Variants in PKP4 observed in about 807,000 individuals in gnomAD.
PKP4 encodes plakophilin 4.
In PKP4, 90 loss-of-function variants were observed where a neutral mutation model predicts 145.1. The observed-to-expected ratio is 0.62, with a 90% confidence interval of 0.52 to 0.74. The LOEUF (loss-of-function observed/expected upper bound fraction) is 0.74. PKP4 is among the 30% of genes least tolerant of loss of function. The pLI, the probability that PKP4 is intolerant of heterozygous loss-of-function variation, is 0.00. For missense variants in PKP4, 1,340 were observed against 1,482.7 expected (o/e 0.90, Z 1.58); for synonymous variants, 563 against 577.2 (o/e 0.98, Z 0.35).
chr2:158,663,507 T>C (rs2056801811), intron 15 of PKP4, 62 bp downstream of exon 15: 2 of 1,389,866 alleles, frequency 1.4e-6, no homozygotes, highest in South Asian at 1.3e-5. Flanking sequence ...TGAAATGTTA[T>C]ATATATATGT....
At chr2:158,672,725 C>T (rs1419894681) in intron 17 of PKP4, among the ~76,000 whole-genome samples, 2 of 152,332 alleles carry the variant, frequency 1.3e-5, no homozygotes, top group African/African-American at 2.4e-5. Flanking sequence ...CTTTACCTGG[C>T]TCTGCTCACC....
intron 11 of PKP4, among the ~76,000 whole-genome samples, chr2:158,643,863 T>C (rs2054569948): frequency 1.3e-5 from 2 of 152,098 alleles, no homozygotes; most frequent in African/African-American, 4.8e-5. Context: ...CCTCCCGGGT[T>C]CAAGCGATTC....
At chr2:158,482,840 A>G (rs1047931819) in intron 1 of PKP4, among the ~76,000 whole-genome samples, 1 of 151,510 alleles carries the variant, frequency 6.6e-6, no homozygotes, top group African/African-American at 2.4e-5. Context: ...AAAAAAAAAA[A>G]GAGGGGGGAA....
At chr2:158,513,889 G>T (rs1323899810) in intron 1 of PKP4, among the ~76,000 whole-genome samples, 1 of 152,142 alleles carries the variant, frequency 6.6e-6, no homozygotes, top group Non-Finnish European at 1.5e-5. Flanking sequence ...TCTGAACACA[G>T]CACGCTGTGG....
intron 2 of PKP4, among the ~76,000 whole-genome samples, chr2:158,566,560 A>G (rs1415822630): frequency 6.6e-6 from 1 of 152,072 alleles, no homozygotes; most frequent in Non-Finnish European, 1.5e-5. Context: ...AGTAATAGCT[A>G]ATCAAATATT....
At chr2:158,559,771 A>G (rs1343431700) in intron 2 of PKP4, among the ~76,000 whole-genome samples, 3 of 152,184 alleles carry the variant, frequency 2.0e-5, no homozygotes, top group Admixed American at 6.5e-5. Flanking sequence ...TTCTTAAAAG[A>G]GTAATATGAT....
intron 21 of PKP4, among the ~76,000 whole-genome samples, chr2:158,680,143 G>A (rs1251215387): frequency 6.6e-6 from 1 of 152,186 alleles, no homozygotes; most frequent in East Asian, 1.9e-4. Flanking sequence ...GTAAAGAGGG[G>A]AGGTTTCTGG....
intron 9 of PKP4, among the ~76,000 whole-genome samples, chr2:158,638,421 A>G (rs1001193322): frequency 2.0e-5 from 3 of 152,206 alleles, no homozygotes; most frequent in Admixed American, 2.0e-4. Flanking sequence ...TTTCAAAATC[A>G]CACAGAAATG....
chr2:158,514,777 C>G (rs896042114), intron 1 of PKP4, among the ~76,000 whole-genome samples: 2 of 152,106 alleles, frequency 1.3e-5, no homozygotes, highest in Non-Finnish European at 2.9e-5. Context: ...CCCATCTCTA[C>G]TATAAACACA....
At chr2:158,569,451 G>GTA (rs1270451901) in intron 2 of PKP4, among the ~76,000 whole-genome samples, 1 of 152,180 alleles carries the variant, frequency 6.6e-6, no homozygotes, top group Non-Finnish European at 1.5e-5. Flanking sequence ...TCCTAATAAT[G>GTA]TATATCCTTC....
chr2:158,584,565 T>A (rs1483406839), intron 3 of PKP4, among the ~76,000 whole-genome samples: 1 of 152,238 alleles, frequency 6.6e-6, no homozygotes, highest in Non-Finnish European at 1.5e-5. Flanking sequence ...CTCATGCCTT[T>A]AGTCCTAGCA....
chr2:158,629,922 C>T (rs748952232), intron 7 of PKP4, among the ~76,000 whole-genome samples: 11 of 152,058 alleles, frequency 7.2e-5, no homozygotes, highest in Non-Finnish European at 1.6e-4. Context: ...TTAGTAGAGT[C>T]GGGGTTTCAC....
chr2:158,655,045 C>T (rs769961018), intron 11 of PKP4, among the ~76,000 whole-genome samples: 4 of 151,802 alleles, frequency 2.6e-5, no homozygotes, highest in Non-Finnish European at 5.9e-5. Context: ...AATTTCAAAC[C>T]TATAAAAATA....
In PKP4 at chr2:158,577,916, AT is replaced by A. The variant is rs554475167; in HGVS notation, c.245+539del. 1.5e-3 allele frequency among the ~76,000 whole-genome samples: 225 copies of A among 152,252 alleles called. 1 individual carries two copies. Among genetic ancestry groups the A allele is most frequent in the African/African-American group, 5.2e-3 (217 of 41,558 alleles). On this transcript the variant is annotated intron_variant, in intron 3 of 21. Transcript: ENST00000389759. ...CTGTAAAAACATAATCATGATTGTT[AT>A]TTTTTATTTAAGTACCTCTTATGCT... is the stretch of plus-strand genomic sequence containing the variant.
At chr2:158,623,364 G>A (rs1459810921) in intron 6 of PKP4, among the ~76,000 whole-genome samples, 1 of 151,902 alleles carries the variant, frequency 6.6e-6, no homozygotes, top group Non-Finnish European at 1.5e-5. Flanking sequence ...TTTGTTTTTT[G>A]TAGAGGCTGG....
intron 2 of PKP4, among the ~76,000 whole-genome samples, chr2:158,542,729 T>C (rs1280297611): frequency 6.6e-6 from 1 of 152,204 alleles, no homozygotes; most frequent in Non-Finnish European, 1.5e-5. Flanking sequence ...TTACTGGGCC[T>C]GCTGCTTTTT....
chr2:158,604,904 A>G (rs1033551780), intron 4 of PKP4, among the ~76,000 whole-genome samples: 4 of 152,204 alleles, frequency 2.6e-5, no homozygotes, highest in Non-Finnish European at 4.4e-5. Flanking sequence ...TGAGTTAGAG[A>G]AAGCATGCCT....
At chr2:158,661,687 G>A (rs2056598484) in intron 13 of PKP4, 1 of 364,334 alleles carries the variant, frequency 2.7e-6, no homozygotes, top group Non-Finnish European at 5.2e-6. Flanking sequence ...TTTCTCTCTG[G>A]TTCCCCTAGG....
In PKP4 at chr2:158,493,791, C is replaced by T. The variant is rs115431409; in HGVS notation, c.-6+36573C>T. On this transcript the variant is annotated intron_variant, in intron 1 of 21. Transcript: ENST00000389759. ...CAACATGCTTTCCTCCTTGAGGTTT[C>T]AGGACTGGTGAGCTTTTCCTGCTAA... Among the ~76,000 whole-genome samples, 414 of 152,296 alleles carry T rather than the reference C, an allele frequency of 2.7e-3. 3 individuals carry two copies. The highest frequency in any genetic ancestry group is 9.7e-3 in the African/African-American group (402 of 41,558).
Sources: gnomAD v4.1 joint callset for allele counts (sites outside exome capture counted in the v4.1 genomes callset) on GRCh38, gnomAD v4.1.1 for gene constraint, MANE v1.5 for transcripts, NCBI Gene and HGNC (gene_info 2026-07-23, HGNC 2026-07-21) for gene names.